IL1RAPL2: variants seen among roughly 807,000 people sequenced by gnomAD.
IL1RAPL2 encodes interleukin 1 receptor accessory protein like 2.
A neutral mutation model predicts 44.1 loss-of-function variants in IL1RAPL2; 3 were observed. That is an observed-to-expected ratio of 0.07 (90% CI 0.03 to 0.18). The LOEUF (loss-of-function observed/expected upper bound fraction) is 0.18. Among genes scored for constraint, IL1RAPL2 ranks in the 10% least tolerant of loss-of-function variants. The pLI is 1.00. For synonymous variants in IL1RAPL2, 181 were observed against 178.8 expected, an observed-to-expected ratio of 1.01 and a Z score of -0.10; for missense variants, 391 against 496.4, an observed-to-expected ratio of 0.79 and a Z score of 2.02.
At chrX:104,663,527 T>A (rs1930438212) in intron 2 of IL1RAPL2, among the ~76,000 whole-genome samples, 1 of 110,441 alleles carries the variant, frequency 9.1e-6, no homozygotes, top group South Asian at 3.9e-4. Flanking sequence ...GATATTGAGA[T>A]CTCATCTCCT....
intron 6 of IL1RAPL2, among the ~76,000 whole-genome samples, chrX:105,523,033 C>G (rs1432078862): frequency 9.0e-6 from 1 of 111,260 alleles, no homozygotes; most frequent in Non-Finnish European, 1.9e-5. Flanking sequence ...TGCTATTTTC[C>G]AGAATACCAT....
chrX:105,036,650 G>T (rs1310229727), intron 2 of IL1RAPL2, among the ~76,000 whole-genome samples: 1 of 112,004 alleles, frequency 8.9e-6, no homozygotes, highest in African/African-American at 3.2e-5. Context: ...TCCTGCACCT[G>T]CTCTAATGTC....
At chrX:104,826,120 T>C (rs1921443460) in intron 2 of IL1RAPL2, among the ~76,000 whole-genome samples, 1 of 111,797 alleles carries the variant, frequency 8.9e-6, no homozygotes, top group Non-Finnish European at 1.9e-5. Flanking sequence ...AGAATTTGTT[T>C]TTATGTTTTT....
intron 2 of IL1RAPL2, among the ~76,000 whole-genome samples, chrX:104,867,199 T>C (rs1602768532): frequency 1.1e-5 from 1 of 90,348 alleles, no homozygotes. Context: ...ATAGCACCAC[T>C]GCAGTCTGGC....
chrX:104,861,673 C>T (rs927195484), intron 2 of IL1RAPL2, among the ~76,000 whole-genome samples: 7 of 110,525 alleles, frequency 6.3e-5, no homozygotes, highest in Admixed American at 3.9e-4. Context: ...CAAAATCCAC[C>T]GATGCTCAGG....
At chrX:105,108,494 A>ATTTTTTTTTTTTTTTTTTTTTTT (rs71816209) in intron 2 of IL1RAPL2, among the ~76,000 whole-genome samples, 1 of 73,637 alleles carries the variant, frequency 1.4e-5, no homozygotes, top group Admixed American at 1.8e-4. Flanking sequence ...CCATGCCCGG[A>ATTTTTTTTTTTTTTTTTTTTTTT]TTTTTTTTTT....
intron 2 of IL1RAPL2, among the ~76,000 whole-genome samples, chrX:105,130,300 C>T (rs2033014912): frequency 9.0e-6 from 1 of 111,314 alleles, no homozygotes; most frequent in Admixed American, 9.6e-5. Context: ...GATTTGGATT[C>T]AGTAGATCAA....
chrX:105,639,079 T>G, intron 6 of IL1RAPL2, among the ~76,000 whole-genome samples: 1 of 111,736 alleles, frequency 8.9e-6, no homozygotes, highest in Non-Finnish European at 1.9e-5. Flanking sequence ...TTGTTTTTTA[T>G]GCGAGTATTT....
intron 6 of IL1RAPL2, among the ~76,000 whole-genome samples, chrX:105,502,459 T>C (rs1488911175): frequency 8.9e-6 from 1 of 111,763 alleles, no homozygotes; most frequent in East Asian, 2.8e-4. Context: ...GGATATTGAC[T>C]TCCTGTATTC....
At chrX:105,108,329 T>C (rs1442285368) in intron 2 of IL1RAPL2, among the ~76,000 whole-genome samples, 1 of 110,867 alleles carries the variant, frequency 9.0e-6, no homozygotes, top group Non-Finnish European at 1.9e-5. Flanking sequence ...GTTTTTGTTG[T>C]TGTTGTTGGT....
intron 2 of IL1RAPL2, among the ~76,000 whole-genome samples, chrX:104,996,857 C>T (rs1214810188): frequency 9.0e-6 from 1 of 111,260 alleles, no homozygotes; most frequent in Non-Finnish European, 1.9e-5. Context: ...TAGGAGGTGA[C>T]ATTTATGCTG....
At chrX:105,265,049 C>T (rs2034391195) in intron 4 of IL1RAPL2, among the ~76,000 whole-genome samples, 1 of 112,272 alleles carries the variant, frequency 8.9e-6, no homozygotes, top group Non-Finnish European at 1.9e-5. Context: ...TTCCTATACA[C>T]TCTTTAGTTT....
chrX:105,057,923 A>G (rs1365434628), intron 2 of IL1RAPL2, among the ~76,000 whole-genome samples: 2 of 100,655 alleles, frequency 2.0e-5, no homozygotes, highest in African/African-American at 7.5e-5. Flanking sequence ...CTGGAATTAC[A>G]GGCATGCGCC....
intron 8 of IL1RAPL2, among the ~76,000 whole-genome samples, chrX:105,741,474 G>C (rs1039888176): frequency 9.0e-6 from 1 of 111,684 alleles, no homozygotes; most frequent in Non-Finnish European, 1.9e-5. Flanking sequence ...TTCTCAATCA[G>C]TGTTCTTGTT....
At chrX:104,934,785 G>A (rs980586717) in intron 2 of IL1RAPL2, among the ~76,000 whole-genome samples, 2 of 112,247 alleles carry the variant, frequency 1.8e-5, no homozygotes, top group African/African-American at 6.5e-5. Context: ...AGTCATAGAT[G>A]CTACTGCAAA....
intron 1 of IL1RAPL2, among the ~76,000 whole-genome samples, chrX:104,626,264 AAATT>A (rs1251698689): frequency 8.4e-5 from 9 of 107,629 alleles, no homozygotes; most frequent in African/African-American, 1.7e-4. Context: ...TTTATTGACT[AAATT>A]AAGAGATATC....
intron 5 of IL1RAPL2, among the ~76,000 whole-genome samples, chrX:105,445,481 A>G (rs1471215951): frequency 1.8e-5 from 2 of 110,842 alleles, no homozygotes; most frequent in Non-Finnish European, 3.8e-5. Context: ...TTTTAGATGT[A>G]TCATTGGGCT....
At chrX:105,359,336 A>C in intron 5 of IL1RAPL2, among the ~76,000 whole-genome samples, 1 of 111,839 alleles carries the variant, frequency 8.9e-6, no homozygotes, top group Non-Finnish European at 1.9e-5. Flanking sequence ...GACAGGCTGT[A>C]CTGGAGACAG....
intron 2 of IL1RAPL2, among the ~76,000 whole-genome samples, chrX:105,106,754 T>G (rs2032748370): frequency 8.9e-6 from 1 of 111,969 alleles, no homozygotes; most frequent in Admixed American, 9.5e-5. Flanking sequence ...CTAAATGGGA[T>G]TACACCAATA....
Sources: allele counts gnomAD v4.1 joint callset (sites outside exome capture counted in the v4.1 genomes callset), GRCh38; gene constraint gnomAD v4.1.1; transcripts MANE v1.5; gene names NCBI Gene and HGNC (gene_info 2026-07-23, HGNC 2026-07-21).